DLG4: variants seen among roughly 807,000 people sequenced by gnomAD.
DLG4 encodes the protein discs large MAGUK scaffold protein 4.
DLG4 carries 7 observed loss-of-function variants against 93.8 expected under a neutral mutation model. That is an observed-to-expected ratio of 0.07 (90% CI 0.04 to 0.14). The LOEUF is 0.14. Ranked by LOEUF, DLG4 falls within the 10% of genes least tolerant of loss-of-function variation. The probability of loss-of-function intolerance (pLI) is 1.00; values close to 1 mark genes in which losing one functional copy is unlikely to be tolerated. For missense variants in DLG4, 545 were observed against 992.9 expected (o/e 0.55, Z 6.06); for synonymous variants, 341 against 387.6 (o/e 0.88, Z 1.41).
intron 1 of DLG4, among the ~76,000 whole-genome samples, chr17:7,215,656 G>A (rs1031927541): frequency 6.6e-6 from 1 of 152,128 alleles, no homozygotes; most frequent in African/African-American, 2.4e-5. Context: ...CAAGAAAGTC[G>A]CCCTGGTGGA....
rs1159653090 is a variant in DLG4, at chr17:7,197,042, C to T, written c.798G>A (p.Gln266=). The stretch of plus-strand genomic sequence containing the variant: ...TGTGACTGATCTCATTGTCCAGGTG[C>T]TGGGAATAAGCTGAGGAAGACAGGG... ...APPDITTSYS[Q]HLDNEISHSS... The change falls in exon 9 of 20, where the codon CAG becomes CAA. Residue 266 remains glutamine (Q), a synonymous_variant. Coordinates refer to ENST00000399506, the MANE Select transcript of DLG4 (RefSeq NM_001321075.3). 2 of 1,609,420 alleles carry T rather than the reference C, an allele frequency of 1.2e-6. No homozygotes were observed.
chr17:7,213,423 TG>T (rs2070787958), intron 1 of DLG4, among the ~76,000 whole-genome samples: 1 of 152,106 alleles, frequency 6.6e-6, no homozygotes, highest in Non-Finnish European at 1.5e-5. Context: ...TCTTTACCCC[TG>T]AGGTTCATAG....
At position 7,196,242 on chromosome 17, in the gene DLG4, G is replaced by C. The variant is rs2069775614; in HGVS notation, c.1279C>G (p.Pro427Ala). The change falls in exon 11 of 20, where the codon CCC (proline) becomes GCC (alanine). Residue 427 changes from proline to alanine, a missense_variant. By Grantham distance (27) the Pro-to-Ala change is conservative. Coordinates refer to ENST00000399506, the MANE Select transcript of DLG4 (RefSeq NM_001321075.3). This position sits in a 1 kb window ranked among gnomAD's most constrained non-coding sequence, Gnocchi z 8.3. The stretch of plus-strand genomic sequence containing the variant: ...GACCTGATGTAGAAACCCCTTTTGG[G>C]GTTGCTCCGCAGGGACGCAGTCCCT... ...GSGTASLRSN[P>A]KRGFYIRALF... 1.2e-6 allele frequency: 2 copies of C among 1,613,914 alleles called. No individual in the cohort carries two copies. Among genetic ancestry groups the C allele is most frequent in the East Asian group, 4.5e-5 (2 of 44,854 alleles).
intron 8 of DLG4, 143 bp from the exon 9 acceptor site, chr17:7,197,195 GA>G: frequency 1.3e-6 from 1 of 783,308 alleles, no homozygotes; most frequent in Non-Finnish European, 2.0e-6. Flanking sequence ...GTGGTAAGGG[GA>G]TATCAGATCA....
upstream of DLG4, chr17:7,219,737 C>G (rs1259789105): frequency 7.6e-6 from 11 of 1,444,594 alleles, no homozygotes; most frequent in Non-Finnish European, 9.1e-6. Context: ...GGACTAGACT[C>G]TAGGTCGGAC....
rs1038466253 is a variant in DLG4 at position 7,189,228 on chromosome 17, A to T, written c.*1480T>A. ...ATTTCCAGGCCAGGCGCGGTGGCTC[A>T]CGCCTGTAATCCCAGCACTTTGGGA... is the stretch of plus-strand genomic sequence containing the variant. On this transcript the variant is annotated 3_prime_UTR_variant, in exon 20 of 20. Coordinates refer to ENST00000399506, the MANE Select transcript of DLG4 (RefSeq NM_001321075.3). 2.0e-5 allele frequency among the ~76,000 whole-genome samples: 3 copies of T among 151,490 alleles called. No individual in the cohort carries two copies. Among genetic ancestry groups the T allele is most frequent in the African/African-American group, 7.3e-5 (3 of 41,204 alleles).
chr17:7,202,569 G>C, intron 8 of DLG4: 1 of 462,346 alleles, frequency 2.2e-6, no homozygotes. Flanking sequence ...GTGACCATTC[G>C]AACTGGCCTT....
chr17:7,203,003 C>T lies in DLG4; in HGVS notation c.687G>A (p.Val229=). The T allele has an allele frequency of 1.9e-6, 3 of 1,612,908 alleles. No homozygotes were observed. Among genetic ancestry groups the T allele is most frequent in the South Asian group, 2.2e-5 (2 of 91,076 alleles). The change falls in exon 8 of 20, where the codon GTG becomes GTA. Residue 229 remains valine, a synonymous_variant. Coordinates refer to ENST00000399506, the MANE Select transcript of DLG4 (RefSeq NM_001321075.3). The surrounding 1 kb of genome is among the most constrained non-coding windows in gnomAD (Gnocchi z 7.2). ...GLEDVMHEDA[V]AALKNTYDVV... ...CATCATACGTGTTCTTCAGGGCTGC[C>T]ACAGCATCTTCATGCATGACGTCCT...
Position 7,194,638 on chromosome 17 carries a change from G to C in DLG4, c.1302-143C>G, listed in dbSNP as rs750387425. 2.6e-6 allele frequency: 2 copies of C among 781,776 alleles called. No homozygotes were observed. The highest frequency in any genetic ancestry group is 4.0e-6 in the Non-Finnish European group (2 of 498,008). 48.4% of individuals were successfully genotyped at this position (781,776 alleles called of 1,614,324 possible). On this transcript the variant is annotated intron_variant, in intron 11 of 19. Transcript: ENST00000399506. This position sits in a 1 kb window ranked among gnomAD's most constrained non-coding sequence, Gnocchi z 4.4. The stretch of plus-strand genomic sequence containing the variant: ...GCCGAGGAACCCAAAACTGTGTGGG[G>C]ACCAAACGCTGACTATAACTCATAA...
upstream of DLG4, chr17:7,217,684 C>G: frequency 1.3e-6 from 2 of 1,521,488 alleles, no homozygotes; most frequent in Middle Eastern, 3.6e-4. Context: ...GGGGGGGTGC[C>G]TTGGCAGAGT....
rs1266197909 is a variant in DLG4, at chr17:7,194,522, A to C, written c.1302-27T>G. The C allele has an allele frequency of 4.4e-6, 7 of 1,579,940 alleles. No homozygotes were observed. Among genetic ancestry groups the C allele is most frequent in the Non-Finnish European group, 5.2e-6 (6 of 1,163,214 alleles). The stretch of plus-strand genomic sequence containing the variant: ...TGGAGGGCAAGTGGCTATCGGTCAG[A>C]GCCCAGCTGAGGACTCCAGGAAGGA... On this transcript the variant is annotated intron_variant, in intron 11 of 19. Transcript: ENST00000399506. The surrounding 1 kb of genome is among the most constrained non-coding windows in gnomAD (Gnocchi z 4.4).
At chr17:7,201,053 A>C (rs1253065775) in intron 8 of DLG4, among the ~76,000 whole-genome samples, 1 of 150,012 alleles carries the variant, frequency 6.7e-6, no homozygotes, top group Non-Finnish European at 1.5e-5. Context: ...TAGTAGAGAC[A>C]GCGTTTCTCC....
In DLG4 at chr17:7,203,448, T is replaced by C; in HGVS notation, c.481A>G (p.Ile161Val). ...RKPPAEKVME[I>V]KLIKGPKGLG... ...CCTTTAGGCCCCTTGATGAGCTTGA[T>C]CTCCATGACCTTCTCAGCCGGGGGC... Residue 161 changes from isoleucine to valine, a missense_variant, in exon 6 of 20, where the codon ATC becomes GTC. Physicochemically the swap from Ile to Val is conservative, Grantham distance 29. Around this residue, in one of 5 missense-constraint regions of DLG4, gnomAD observed 30 missense variants for 36.1 expected, o/e 0.83. Transcript: ENST00000399506. The surrounding 1 kb of genome is among the most constrained non-coding windows in gnomAD (Gnocchi z 7.2). The C allele has an allele frequency of 6.2e-7, 1 of 1,609,472 alleles. No homozygotes were observed. Among genetic ancestry groups the C allele is most frequent in the South Asian group, 1.1e-5 (1 of 91,000 alleles).
At chr17:7,197,609 C>T (rs1051077509) in intron 8 of DLG4, among the ~76,000 whole-genome samples, 5 of 152,080 alleles carry the variant, frequency 3.3e-5, no homozygotes, top group Admixed American at 2.6e-4. Flanking sequence ...CTCAGCCTCC[C>T]AAGTAGCTGG....
At chr17:7,218,810 A>G, upstream of DLG4, 2 of 1,613,536 alleles carry the variant, frequency 1.2e-6, no homozygotes, top group South Asian at 1.1e-5. Context: ...CCTCCCCTCC[A>G]CAAGGAGCCC....
In DLG4 at chr17:7,194,003, G is replaced by A. The variant is rs2069636896; in HGVS notation, c.1479-3C>T. 2 of 1,613,414 alleles carry A rather than the reference G, an allele frequency of 1.2e-6. No homozygotes were observed. Among genetic ancestry groups the A allele is most frequent in the African/African-American group, 1.3e-5 (1 of 74,884 alleles). ...TTGACCACTCTCGTCGCTCAACCCT[G>A]TGGGATACATGGAGGGATACGCGGG... On this transcript the variant is annotated splice_polypyrimidine_tract_variant and splice_region_variant and intron_variant, in intron 12 of 19. Transcript: ENST00000399506. The surrounding 1 kb of genome is among the most constrained non-coding windows in gnomAD (Gnocchi z 4.4).
upstream of DLG4, chr17:7,219,512 C>A (rs1433818181): frequency 9.4e-7 from 1 of 1,068,972 alleles, no homozygotes; most frequent in Non-Finnish European, 1.1e-6. Context: ...ACTGTACCCT[C>A]CCTTTTGTGT....
At position 7,203,167 on chromosome 17, in the gene DLG4, G is replaced by A; in HGVS notation, c.642+26C>T. The A allele has an allele frequency of 1.3e-6, 2 of 1,576,968 alleles. No individual in the cohort carries two copies. Among genetic ancestry groups the A allele is most frequent in the Non-Finnish European group, 1.7e-6 (2 of 1,153,840 alleles). ...GTAGGTGAGACCCAAATCTGGGCTAGAAAATGGGCTAGATGGAGTCCTCAC... is the reference window on the plus strand; with the variant it reads ...GTAGGTGAGACCCAAATCTGGGCTAAAAAATGGGCTAGATGGAGTCCTCAC... On this transcript the variant is annotated intron_variant, in intron 7 of 19. Coordinates refer to ENST00000399506, the MANE Select transcript of DLG4 (RefSeq NM_001321075.3). This position sits in a 1 kb window ranked among gnomAD's most constrained non-coding sequence, Gnocchi z 7.2.
Position 7,194,248 on chromosome 17 carries a change from C to A in DLG4, c.1478+71G>T. On this transcript the variant is annotated intron_variant, in intron 12 of 19. Transcript: ENST00000399506. The surrounding 1 kb of genome is among the most constrained non-coding windows in gnomAD (Gnocchi z 4.4). ...AGAGGGCAAACCCATCCCCTGTTGG[C>A]TGCCCACCCCGGGGGACCTTGGGAA... is the stretch of plus-strand genomic sequence containing the variant. 6.5e-7 allele frequency: 1 copy of A among 1,528,048 alleles called. No homozygotes were observed. Among genetic ancestry groups the A allele is most frequent in the Non-Finnish European group, 8.8e-7 (1 of 1,133,994 alleles). The allele number at this position is 1,528,048 out of a possible 1,614,324, so 94.7% of individuals were successfully genotyped here.
Sources: gnomAD v4.1 joint callset for allele counts (sites outside exome capture counted in the v4.1 genomes callset) on GRCh38, gnomAD v4.1.1 for gene constraint, gnomAD v4.1.1 regional missense constraint, Gnocchi (gnomAD v3.1) non-coding constraint, MANE v1.5 for transcripts, NCBI Gene and HGNC (gene_info 2026-07-23, HGNC 2026-07-21) for gene names.